The following RSPO2 variants were observed in gnomAD, a reference collection of about 807,000 sequenced individuals.
RSPO2 encodes R-spondin 2.
RSPO2 carries 14 observed loss-of-function variants against 30.9 expected under a neutral mutation model. That is an observed-to-expected ratio of 0.45 (90% confidence interval 0.30 to 0.71). RSPO2 has a LOEUF of 0.71. RSPO2 is among the 30% of genes least tolerant of loss of function. The pLI is 0.08. For synonymous variants in RSPO2, 107 were observed against 96.4 expected (o/e 1.11, Z -0.64); for missense variants, 264 against 301.9 (o/e 0.87, Z 0.93).
chr8:108,023,465 G>T (rs1395892835), intron 2 of RSPO2, among the ~76,000 whole-genome samples: 2 of 152,114 alleles, frequency 1.3e-5, no homozygotes, highest in African/African-American at 4.8e-5. Context: ...ACAACACATG[G>T]CATCTGAACT....
At chr8:108,058,436 T>C (rs570441255) in intron 2 of RSPO2, among the ~76,000 whole-genome samples, 46 of 152,162 alleles carry the variant, frequency 3.0e-4, no homozygotes, top group Non-Finnish European at 5.7e-4. Context: ...AGGTAATTTA[T>C]AGATTCAATG....
At chr8:108,029,522 A>G (rs536566471) in intron 2 of RSPO2, among the ~76,000 whole-genome samples, 1 of 152,328 alleles carries the variant, frequency 6.6e-6, no homozygotes, top group South Asian at 2.1e-4. Flanking sequence ...CACCTAGAAG[A>G]GTGGGGGAGA....
chr8:107,906,779 T>C (rs1586529307), intron 5 of RSPO2, among the ~76,000 whole-genome samples: 1 of 152,088 alleles, frequency 6.6e-6, no homozygotes, highest in East Asian at 1.9e-4. Flanking sequence ...GAATAACACA[T>C]TTATTTTAGT....
chr8:107,942,007 G>C (rs1190851592), intron 5 of RSPO2, among the ~76,000 whole-genome samples: 1 of 152,112 alleles, frequency 6.6e-6, no homozygotes, highest in Non-Finnish European at 1.5e-5. Flanking sequence ...AGTTTTAGAG[G>C]GGGGATGTTC....
At chr8:107,948,720 C>A (rs1214074560) in intron 5 of RSPO2, among the ~76,000 whole-genome samples, 1 of 151,880 alleles carries the variant, frequency 6.6e-6, no homozygotes, top group East Asian at 1.9e-4. Context: ...ATTAGCTGGG[C>A]GTGGTGGCGG....
intron 3 of RSPO2, among the ~76,000 whole-genome samples, chr8:107,980,082 C>T (rs757913916): frequency 6.6e-6 from 1 of 152,144 alleles, no homozygotes; most frequent in East Asian, 1.9e-4. Context: ...CACCCTACTC[C>T]TCTTTCAAGA....
intron 2 of RSPO2, among the ~76,000 whole-genome samples, chr8:108,064,537 G>C (rs1812594689): frequency 6.6e-6 from 1 of 152,210 alleles, no homozygotes; most frequent in Non-Finnish European, 1.5e-5. Context: ...GTGCTGGAGA[G>C]GATGTGGAGA....
chr8:107,955,019 T>A (rs1173457801), intron 5 of RSPO2, among the ~76,000 whole-genome samples: 1 of 152,172 alleles, frequency 6.6e-6, no homozygotes, highest in Non-Finnish European at 1.5e-5. Context: ...TTAAAAAGAA[T>A]CTTGGTTAGT....
At chr8:108,047,809 C>CA (rs1811950435) in intron 2 of RSPO2, among the ~76,000 whole-genome samples, 1 of 151,324 alleles carries the variant, frequency 6.6e-6, no homozygotes, top group Non-Finnish European at 1.5e-5. Flanking sequence ...CAAGATCATG[C>CA]CACTGCACTC....
At position 107,908,476 on chromosome 8, in the gene RSPO2, C is replaced by G. The variant is rs189027958; in HGVS notation, c.617-7286G>C. 3.3e-5 allele frequency among the ~76,000 whole-genome samples: 5 copies of G among 152,216 alleles called. No individual in the cohort carries two copies. In the East Asian group the frequency reaches 9.6e-4, roughly 29 times the overall value. ...TCAGAGCAGTAGAAACAGTAAAATA[C>G]GACTCTACTATTTGTGTGAAAAAAT... is the stretch of plus-strand genomic sequence containing the variant. On this transcript the variant is annotated intron_variant, in intron 5 of 5. Transcript: ENST00000276659.
chr8:107,983,128 G>A lies in RSPO2; in HGVS notation c.283+5928C>T, dbSNP rs545497905. 7 of 1,461,174 alleles carry A rather than the reference G, an allele frequency of 4.8e-6. No individual in the cohort carries two copies. The African/African-American group carries it at 7.1e-5, about 15-fold the overall frequency. 90.5% of individuals were successfully genotyped at this position (1,461,174 alleles called of 1,614,324 possible). On this transcript the variant is annotated intron_variant, in intron 3 of 5. Coordinates refer to ENST00000276659, the MANE Select transcript of RSPO2 (RefSeq NM_178565.5). ...TTACCCCAGGGTCTATGGAAGTAAT[G>A]AAGGACCCCTCAACCTGGCTCATCA...
At chr8:107,963,721 TATC>T (rs1201676957) in intron 3 of RSPO2, among the ~76,000 whole-genome samples, 1 of 152,008 alleles carries the variant, frequency 6.6e-6, no homozygotes, top group Admixed American at 6.6e-5. Flanking sequence ...GTAATTAAAG[TATC>T]ATAGAAAAGG....
At chr8:108,064,647 A>G (rs935795833) in intron 2 of RSPO2, among the ~76,000 whole-genome samples, 3 of 152,184 alleles carry the variant, frequency 2.0e-5, no homozygotes, top group African/African-American at 7.2e-5. Context: ...TAGAAATACC[A>G]TTTGACCCAG....
At chr8:107,973,851 T>C (rs983175060) in intron 3 of RSPO2, among the ~76,000 whole-genome samples, 21 of 152,272 alleles carry the variant, frequency 1.4e-4, no homozygotes, top group African/African-American at 5.1e-4. Flanking sequence ...AAACCCTCTT[T>C]GGAAAAAGCA....
At chr8:108,007,014 T>C (rs191320304) in intron 2 of RSPO2, among the ~76,000 whole-genome samples, 8 of 152,302 alleles carry the variant, frequency 5.3e-5, no homozygotes, top group Admixed American at 3.3e-4. Flanking sequence ...CACAATACCA[T>C]TGCCAGATCT....
At chr8:107,958,051 C>T in intron 5 of RSPO2, 29 bp downstream of exon 5, 3 of 1,530,720 alleles carry the variant, frequency 2.0e-6, no homozygotes, top group Middle Eastern at 3.4e-4. Context: ...AAGCACACAG[C>T]ACACAGTAGT....
At chr8:108,019,605 T>A (rs541808382) in intron 2 of RSPO2, among the ~76,000 whole-genome samples, 46 of 152,280 alleles carry the variant, frequency 3.0e-4, no homozygotes, top group African/African-American at 7.9e-4. Context: ...TTTGTTTTTT[T>A]AAAAAACTTT....
intron 3 of RSPO2, among the ~76,000 whole-genome samples, chr8:107,976,994 T>C (rs1395591903): frequency 6.6e-6 from 1 of 151,914 alleles, no homozygotes; most frequent in Non-Finnish European, 1.5e-5. Context: ...GGAAGAAACA[T>C]GGTATGAGAA....
chr8:107,958,996 T>C (rs1175592144), intron 4 of RSPO2, among the ~76,000 whole-genome samples: 3 of 152,228 alleles, frequency 2.0e-5, no homozygotes, highest in Non-Finnish European at 4.4e-5. Flanking sequence ...TGAATAGTTC[T>C]AATGACACTA....
Sources: allele counts gnomAD v4.1 joint callset (sites outside exome capture counted in the v4.1 genomes callset), GRCh38; gene constraint gnomAD v4.1.1; transcripts MANE v1.5; gene names NCBI Gene and HGNC (gene_info 2026-07-23, HGNC 2026-07-21).